Variants in TSNARE1 observed in about 807,000 individuals in gnomAD.
TSNARE1 encodes the protein t-SNARE domain containing 1.
TSNARE1 carries 49 observed loss-of-function variants against 62.0 expected under a neutral mutation model. The observed-to-expected ratio is 0.79, with a 90% CI of 0.63 to 1.00. The LOEUF is 1.00. TSNARE1 is among the 50% of genes least tolerant of loss of function. The pLI is 0.00. For missense variants in TSNARE1, 755 were observed against 700.1 expected (o/e 1.08, Z -0.88); for synonymous variants, 328 against 294.4 (o/e 1.11, Z -1.17).
At chr8:142,277,263 C>T (rs921650519) in intron 11 of TSNARE1, 1 of 985,374 alleles carries the variant, frequency 1.0e-6, no homozygotes, top group Non-Finnish European at 1.2e-6. Context: ...AGCACTAGGC[C>T]AGAGGCCTCC....
In TSNARE1 at chr8:142,373,600, C is replaced by T. The variant is rs141750280; in HGVS notation, c.-39-18837G>A. Among the ~76,000 whole-genome samples the T allele has an allele frequency of 5.3e-3, 806 of 152,112 alleles. 25 individuals are homozygous for T. In the South Asian group the frequency reaches 0.072, roughly 14 times the overall value. ...CCATCCTACAGCTGATGGACGCTGG[C>T]CCCTGCTCTCTGTGACGCCCCCACC... is the stretch of plus-strand genomic sequence containing the variant. On this transcript the variant is annotated intron_variant, in intron 1 of 13. Coordinates refer to ENST00000524325, the MANE Select transcript of TSNARE1 (RefSeq NM_145003.5).
intron 7 of TSNARE1, among the ~76,000 whole-genome samples, chr8:142,315,511 T>C (rs1372760149): frequency 1.3e-5 from 2 of 152,354 alleles, no homozygotes; most frequent in East Asian, 3.9e-4. Context: ...GGGCTCCCCG[T>C]GGCCTCCAGG....
intron 12 of TSNARE1, among the ~76,000 whole-genome samples, chr8:142,236,258 C>A (rs1018691252): frequency 1.4e-4 from 21 of 152,040 alleles, no homozygotes; most frequent in African/African-American, 5.1e-4. Flanking sequence ...CTCAGACCCA[C>A]CCCCGAGATA....
chr8:142,318,536 G>C lies in TSNARE1; in HGVS notation c.984+8C>G, dbSNP rs772817309. On this transcript the variant is annotated splice_region_variant and intron_variant, in intron 7 of 13. Transcript: ENST00000524325. ...CCTCCCTCCCAGCCCCAGACCCCAG[G>C]AACATACCGGGCAGGAGCTGCGCAG... The C allele has an allele frequency of 6.2e-7, 1 of 1,611,566 alleles. No individual in the cohort carries two copies. Among genetic ancestry groups the C allele is most frequent in the Admixed American group, 1.7e-5 (1 of 60,018 alleles).
In TSNARE1 at chr8:142,242,284, C is replaced by T. The variant is rs560418823; in HGVS notation, c.1447-12705G>A. Among the ~76,000 whole-genome samples, 7 of 152,386 alleles carry T rather than the reference C, an allele frequency of 4.6e-5. No individual in the cohort carries two copies. In the South Asian group the frequency reaches 1.5e-3, roughly 32 times the overall value. On this transcript the variant is annotated intron_variant, in intron 12 of 13. Coordinates refer to ENST00000524325, the MANE Select transcript of TSNARE1 (RefSeq NM_145003.5). ...CAACTCAAAATGGATGGAAGACTTA[C>T]ATGTGAGACCTAAAACTGTAAAACT...
At chr8:142,356,608 CAG>C (rs1586997285) in intron 1 of TSNARE1, among the ~76,000 whole-genome samples, 1 of 152,200 alleles carries the variant, frequency 6.6e-6, no homozygotes, top group Non-Finnish European at 1.5e-5. Flanking sequence ...AGACACTATC[CAG>C]AGAGAAAACT....
At chr8:142,294,737 C>T (rs949771609) in intron 10 of TSNARE1, among the ~76,000 whole-genome samples, 1 of 152,194 alleles carries the variant, frequency 6.6e-6, no homozygotes, top group Non-Finnish European at 1.5e-5. Flanking sequence ...AGCAGACAGC[C>T]CTACAGAGGA....
At chr8:142,259,026 C>T (rs958648310) in intron 12 of TSNARE1, among the ~76,000 whole-genome samples, 1 of 152,182 alleles carries the variant, frequency 6.6e-6, no homozygotes, top group Non-Finnish European at 1.5e-5. Flanking sequence ...CAAGCTCAGG[C>T]GAGATACATC....
intron 1 of TSNARE1, among the ~76,000 whole-genome samples, chr8:142,380,345 G>A (rs952988350): frequency 6.6e-6 from 1 of 152,210 alleles, no homozygotes; most frequent in Non-Finnish European, 1.5e-5. Context: ...GGACACAGCA[G>A]CAGCAGGCCA....
chr8:142,404,045 G>A (rs1227338028), upstream of TSNARE1: 1 of 152,310 alleles, frequency 6.6e-6, no homozygotes, highest in Non-Finnish European at 1.5e-5. Flanking sequence ...GAGCAAGAGT[G>A]ATGAGTCCGC....
intron 12 of TSNARE1, chr8:142,273,076 G>C: frequency 5.1e-6 from 5 of 985,400 alleles, no homozygotes; most frequent in African/African-American, 1.7e-5. Context: ...AGTGTGTCGG[G>C]GGGGCGGTGC....
intron 12 of TSNARE1, chr8:142,269,905 C>G: frequency 1.0e-6 from 1 of 985,460 alleles, no homozygotes; most frequent in Non-Finnish European, 1.2e-6. Context: ...ACATTGCTGG[C>G]TCCAGGGGAA....
At chr8:142,316,221 C>T (rs535799045) in intron 7 of TSNARE1, among the ~76,000 whole-genome samples, 7 of 151,886 alleles carry the variant, frequency 4.6e-5, no homozygotes, top group Non-Finnish European at 8.8e-5. Flanking sequence ...CAGACACAGG[C>T]GTCGATGCTG....
At chr8:142,389,882 C>T (rs1837363328) in intron 1 of TSNARE1, among the ~76,000 whole-genome samples, 1 of 152,214 alleles carries the variant, frequency 6.6e-6, no homozygotes, top group Admixed American at 6.5e-5. Context: ...TAGATGATTT[C>T]CTCACTGTGC....
Position 142,300,493 on chromosome 8 carries a change from T to C in TSNARE1, c.1283A>G (p.Gln428Arg), listed in dbSNP as rs1311375879. Reference protein sequence around the residue: ...AIRLREEAILQMESNLLDVNQ... With the variant: ...AIRLREEAILRMESNLLDVNQ... ...TGCCCACGCCAGCCTCACCTCCATC[T>C]GCAGGATGGCCTCCTCCCGCAGCCG... Residue 428 changes from glutamine to arginine, a missense_variant, in exon 10 of 14, where the codon CAG (glutamine) becomes CGG (arginine). By Grantham distance (43) the Gln-to-Arg change is conservative. Coordinates refer to ENST00000524325, the MANE Select transcript of TSNARE1 (RefSeq NM_145003.5). 6.2e-7 allele frequency: 1 copy of C among 1,603,384 alleles called. No individual in the cohort carries two copies. Among genetic ancestry groups the C allele is most frequent in the Non-Finnish European group, 8.5e-7 (1 of 1,178,350 alleles).
rs1172714125 is a variant in TSNARE1, at chr8:142,344,257, G to A, written c.454C>T (p.Leu152=). Residue 152 remains leucine, a synonymous_variant, in exon 4 of 14, where the codon CTG becomes TTG. Transcript: ENST00000524325. ...KHHQLLFGTG[L]LKAEPTRRYR... The stretch of plus-strand genomic sequence containing the variant: ...CTGCGAGTGGGCTCGGCCTTCAGCA[G>A]CCCCGTGCCAAACAGCAGCTGGTGG... 8 of 1,609,136 alleles carry A rather than the reference G, an allele frequency of 5.0e-6. No individual in the cohort carries two copies. The highest frequency in any genetic ancestry group is 6.8e-6 in the Non-Finnish European group (8 of 1,176,422).
chr8:142,241,777 G>A lies in TSNARE1; in HGVS notation c.1447-12198C>T, dbSNP rs143216965. Among the ~76,000 whole-genome samples the A allele has an allele frequency of 1.1e-3, 164 of 152,240 alleles. 1 individual carries two copies. Among genetic ancestry groups the A allele is most frequent in the African/African-American group, 3.8e-3 (156 of 41,548 alleles). On this transcript the variant is annotated intron_variant, in intron 12 of 13. Transcript: ENST00000524325. ...GATATGACAGTCTCTGCAACAAATG[G>A]TGCTGGGAAAACCGGGTATCTACAC...
At chr8:142,279,811 C>T in intron 11 of TSNARE1, 1 of 954,686 alleles carries the variant, frequency 1.0e-6, no homozygotes, top group Non-Finnish European at 1.3e-6. Context: ...CCTGCTTGCC[C>T]CAGGGCAGTG....
intron 6 of TSNARE1, among the ~76,000 whole-genome samples, chr8:142,329,779 T>A (rs889346485): frequency 6.6e-6 from 1 of 152,052 alleles, no homozygotes; most frequent in Non-Finnish European, 1.5e-5. Context: ...AAATTCCCTA[T>A]CATGAGCCTA....
Sources: gnomAD v4.1 joint callset for allele counts (sites outside exome capture counted in the v4.1 genomes callset) on GRCh38, gnomAD v4.1.1 for gene constraint, MANE v1.5 for transcripts, NCBI Gene and HGNC (gene_info 2026-07-23, HGNC 2026-07-21) for gene names.